Variants in TSC22D2 observed in about 807,000 individuals in gnomAD.
TSC22D2 encodes the protein TSC22 domain family protein 2.
A neutral mutation model predicts 50.1 loss-of-function variants in TSC22D2; 5 were observed. That is an observed-to-expected ratio of 0.10 (90% CI 0.05 to 0.21). The LOEUF is 0.21. Among genes scored for constraint, TSC22D2 ranks in the 10% least tolerant of loss-of-function variants. The pLI is 1.00. For missense variants in TSC22D2, 1,003 were observed against 1,015.5 expected (o/e 0.99, Z 0.17); for synonymous variants, 501 against 450.1 (o/e 1.11, Z -1.43).
rs746649595 is a variant in TSC22D2 at position 150,423,043 on chromosome 3, TCA to T, written c.1958+11738_1958+11739del. ...CTCATTTCCATTTGATTCTCGGATC[TCA>T]CAGGAATCCTTCAACTGCTTTCTAC... On this transcript the variant is annotated intron_variant, in intron 1 of 2. Transcript: ENST00000688009. 4 of 1,611,748 alleles carry T rather than the reference TCA, an allele frequency of 2.5e-6. No individual in the cohort carries two copies. In the East Asian group the frequency reaches 6.7e-5, roughly 27 times the overall value.
intron 1 of TSC22D2, among the ~76,000 whole-genome samples, chr3:150,424,169 C>G (rs1720098847): frequency 6.6e-6 from 1 of 152,036 alleles, no homozygotes; most frequent in Non-Finnish European, 1.5e-5. Flanking sequence ...ACTTTTAGAA[C>G]AGGAAGTTTT....
intron 1 of TSC22D2, among the ~76,000 whole-genome samples, chr3:150,451,476 GA>G (rs2108101002): frequency 6.6e-6 from 1 of 152,312 alleles, no homozygotes; most frequent in African/African-American, 2.4e-5. Context: ...TTAATCTTTG[GA>G]TCCATGCTTA....
intron 1 of TSC22D2, among the ~76,000 whole-genome samples, chr3:150,441,038 A>T (rs1720700626): frequency 6.7e-6 from 1 of 148,998 alleles, no homozygotes; most frequent in Non-Finnish European, 1.5e-5. Flanking sequence ...AAGTCTTTTT[A>T]TATATATATT....
chr3:150,433,044 G>T (rs1477831012), intron 1 of TSC22D2, among the ~76,000 whole-genome samples: 1 of 152,082 alleles, frequency 6.6e-6, no homozygotes, highest in Non-Finnish European at 1.5e-5. Context: ...AACTTTAGTT[G>T]GCTACTTCTA....
chr3:150,411,969 CTATT>C (rs1006239915), intron 1 of TSC22D2, among the ~76,000 whole-genome samples: 3 of 152,122 alleles, frequency 2.0e-5, no homozygotes, highest in African/African-American at 4.8e-5. Context: ...TTCCATCAGT[CTATT>C]TATTATAGGA....
chr3:150,455,247 G>T lies in TSC22D2; in HGVS notation c.1959-1829G>T, dbSNP rs1238091730. Among the ~76,000 whole-genome samples the T allele has an allele frequency of 2.6e-5, 4 of 152,118 alleles. No individual in the cohort carries two copies. The East Asian group carries it at 7.7e-4, about 29-fold the overall frequency. Reference sequence around the variant, plus strand: ...TATTTGTGGTGAATATGTCTGCATGGTATCTGGCACTGAAGTATATACTAA... The same window carrying T: ...TATTTGTGGTGAATATGTCTGCATGTTATCTGGCACTGAAGTATATACTAA... On this transcript the variant is annotated intron_variant, in intron 1 of 2. Coordinates refer to ENST00000688009, the MANE Select transcript of TSC22D2 (RefSeq NM_001303264.2).
rs74765588 is a variant in TSC22D2 at position 150,414,851 on chromosome 3, A to G, written c.1958+3543A>G. Among the ~76,000 whole-genome samples, 921 of 151,504 alleles carry G rather than the reference A, an allele frequency of 6.1e-3. 15 individuals are homozygous for G. Among genetic ancestry groups the G allele is most frequent in the African/African-American group, 0.021 (884 of 41,226 alleles). Reference sequence around the variant, plus strand: ...TGAATTGAAGTCTCTAAAGATGGAAATTTCTTACTTGAATCTCTGTTTCTT... The same window carrying G: ...TGAATTGAAGTCTCTAAAGATGGAAGTTTCTTACTTGAATCTCTGTTTCTT... On this transcript the variant is annotated intron_variant, in intron 1 of 2. Coordinates refer to ENST00000688009, the MANE Select transcript of TSC22D2 (RefSeq NM_001303264.2).
intron 1 of TSC22D2, among the ~76,000 whole-genome samples, chr3:150,415,622 C>T (rs545659698): frequency 6.6e-6 from 1 of 152,152 alleles, no homozygotes; most frequent in Non-Finnish European, 1.5e-5. Flanking sequence ...GGAGACCAGC[C>T]TGGGCAACAT....
chr3:150,439,314 C>T (rs967505325), intron 1 of TSC22D2, among the ~76,000 whole-genome samples: 2 of 152,084 alleles, frequency 1.3e-5, no homozygotes, highest in African/African-American at 4.8e-5. Context: ...TTATTTTATC[C>T]TTTGCCCATT....
At chr3:150,435,636 C>A (rs911175689) in intron 1 of TSC22D2, among the ~76,000 whole-genome samples, 7 of 152,040 alleles carry the variant, frequency 4.6e-5, no homozygotes, top group African/African-American at 1.7e-4. Context: ...GTGGTTTAAA[C>A]CTGAAAACAA....
chr3:150,454,505 G>T (rs1721130240), intron 1 of TSC22D2, among the ~76,000 whole-genome samples: 1 of 152,198 alleles, frequency 6.6e-6, no homozygotes, highest in South Asian at 2.1e-4. Context: ...AGCATAGTCA[G>T]ACAGTAGATT....
chr3:150,410,433 G>A lies in TSC22D2; in HGVS notation c.1083G>A (p.Gln361=). The A allele has an allele frequency of 6.2e-7, 1 of 1,609,518 alleles. No homozygotes were observed. Among genetic ancestry groups the A allele is most frequent in the Non-Finnish European group, 8.5e-7 (1 of 1,178,736 alleles). ...AGCCCCAGCAGTTCGCGTATCCTCA[G>A]CCTCAGATACCGCCCGGACATTTGC... ...AQQPQQFAYP[Q]PQIPPGHLLP... is the part of the protein sequence containing the mutation. Residue 361 remains glutamine, a synonymous_variant, in exon 1 of 3, where the codon CAG becomes CAA. Coordinates refer to ENST00000688009, the MANE Select transcript of TSC22D2 (RefSeq NM_001303264.2).
At position 150,408,748 on chromosome 3, in the gene TSC22D2, C is replaced by G. The variant is rs973374224; in HGVS notation, c.-603C>G. On this transcript the variant is annotated 5_prime_UTR_variant, in exon 1 of 3. Coordinates refer to ENST00000688009, the MANE Select transcript of TSC22D2 (RefSeq NM_001303264.2). ...GCGCCACAGCCCCACCGCCCGCCCGCGGACCTTCAGCCAGCTCCGGCCCGC... is the reference window on the plus strand; with the variant it reads ...GCGCCACAGCCCCACCGCCCGCCCGGGGACCTTCAGCCAGCTCCGGCCCGC... The G allele has an allele frequency of 6.5e-6, 1 of 153,584 alleles. No homozygotes were observed. Among genetic ancestry groups the G allele is most frequent in the African/African-American group, 2.4e-5 (1 of 41,482 alleles). The allele number at this position is 153,584 out of a possible 1,614,324, so 9.5% of individuals were successfully genotyped here. A position where few individuals can be genotyped will look rare whatever the true frequency, so the allele number is the denominator to read the frequency against.
intron 1 of TSC22D2, among the ~76,000 whole-genome samples, chr3:150,420,827 A>AC (rs35059402): frequency 2.7e-4 from 41 of 150,916 alleles, no homozygotes; most frequent in African/African-American, 9.0e-4. Flanking sequence ...CATGCCTGTA[A>AC]TCCCAGCACT....
At chr3:150,448,759 A>G (rs1267354468) in intron 1 of TSC22D2, among the ~76,000 whole-genome samples, 2 of 151,962 alleles carry the variant, frequency 1.3e-5, no homozygotes, top group East Asian at 1.9e-4. Flanking sequence ...GCTCTACAAG[A>G]AAAAAGTAAT....
chr3:150,439,832 T>G (rs1169917131), intron 1 of TSC22D2, among the ~76,000 whole-genome samples: 1 of 152,224 alleles, frequency 6.6e-6, no homozygotes, highest in African/African-American at 2.4e-5. Flanking sequence ...TGACTTCTAC[T>G]GATGTTTATT....
At chr3:150,429,120 C>T (rs144086506) in intron 1 of TSC22D2, among the ~76,000 whole-genome samples, 156 of 152,190 alleles carry the variant, frequency 1.0e-3, no homozygotes, top group African/African-American at 3.7e-3. Context: ...GGGTAGTAAA[C>T]TATTCTGCTT....
chr3:150,432,587 A>T (rs532307587), intron 1 of TSC22D2, among the ~76,000 whole-genome samples: 94 of 149,296 alleles, frequency 6.3e-4, no homozygotes, highest in South Asian at 5.3e-3. Flanking sequence ...GCTTTTTTTA[A>T]AAAAAAAAAA....
chr3:150,445,071 TA>T (rs1236050442), intron 1 of TSC22D2, among the ~76,000 whole-genome samples: 1 of 152,054 alleles, frequency 6.6e-6, no homozygotes, highest in Non-Finnish European at 1.5e-5. Flanking sequence ...TTAAATTAGT[TA>T]TATTTCAGTG....
Sources: allele counts gnomAD v4.1 joint callset (sites outside exome capture counted in the v4.1 genomes callset), GRCh38; gene constraint gnomAD v4.1.1; transcripts MANE v1.5; gene names NCBI Gene and HGNC (gene_info 2026-07-23, HGNC 2026-07-21).